Variants in FRMPD4 observed in about 807,000 individuals in gnomAD.
FRMPD4 encodes the protein FERM and PDZ domain-containing protein 4.
Under a neutral mutation model 94.1 loss-of-function variants are expected in FRMPD4, and 22 were observed. The observed-to-expected ratio is 0.23, with a 90% CI of 0.17 to 0.33. The LOEUF (loss-of-function observed/expected upper bound fraction) is 0.33. FRMPD4 is among the 10% of genes least tolerant of loss of function. The pLI, the probability that FRMPD4 is intolerant of heterozygous loss-of-function variation, is 1.00. For missense variants in FRMPD4, 1,111 were observed against 1,339.9 expected (o/e 0.83, Z 2.67); for synonymous variants, 631 against 548.6 (o/e 1.15, Z -2.10).
chrX:12,033,986 G>A (rs2054706587), intron 3 of FRMPD4, among the ~76,000 whole-genome samples: 1 of 112,625 alleles, frequency 8.9e-6, no homozygotes, highest in Non-Finnish European at 1.9e-5. Context: ...CGTAAGCCAC[G>A]GCGCCTGGCC....
chrX:11,963,993 G>C (rs995537623), intron 3 of FRMPD4, among the ~76,000 whole-genome samples: 3 of 111,455 alleles, frequency 2.7e-5, no homozygotes, highest in South Asian at 3.8e-4. Flanking sequence ...CTCTAAGTTG[G>C]TTAGATGTGC....
At chrX:12,640,026 C>T (rs754253471) in intron 4 of FRMPD4, among the ~76,000 whole-genome samples, 3 of 111,591 alleles carry the variant, frequency 2.7e-5, no homozygotes, top group Non-Finnish European at 3.8e-5. Flanking sequence ...TGGCCAGGCA[C>T]GGTGGCTCAC....
At chrX:12,543,244 C>A (rs1251813180) in intron 2 of FRMPD4, among the ~76,000 whole-genome samples, 4 of 110,604 alleles carry the variant, frequency 3.6e-5, no homozygotes, top group African/African-American at 9.8e-5. Flanking sequence ...CAAATGGGAT[C>A]TAATTAAACT....
chrX:11,972,372 C>T (rs1349781223), intron 3 of FRMPD4, among the ~76,000 whole-genome samples: 1 of 111,941 alleles, frequency 8.9e-6, no homozygotes, highest in East Asian at 2.8e-4. Flanking sequence ...CTTCCATGCA[C>T]TCACTCTAGC....
chrX:12,166,996 G>T (rs1460468992), intron 1 of FRMPD4, among the ~76,000 whole-genome samples: 3 of 110,729 alleles, frequency 2.7e-5, no homozygotes, highest in Non-Finnish European at 3.8e-5. Context: ...TCTTTTCAAT[G>T]AAACCAGCTC....
intron 16 of FRMPD4, among the ~76,000 whole-genome samples, chrX:12,719,335 A>G (rs1457186442): frequency 8.9e-6 from 1 of 112,331 alleles, no homozygotes; most frequent in Non-Finnish European, 1.9e-5. Context: ...AGTGTCAGGA[A>G]GATTTTGAGG....
chrX:12,572,401 G>T (rs1042576271), intron 2 of FRMPD4, among the ~76,000 whole-genome samples: 1 of 112,292 alleles, frequency 8.9e-6, no homozygotes, highest in Non-Finnish European at 1.9e-5. Context: ...CATAATTAAA[G>T]GGGAAATGAT....
At chrX:12,711,124 T>C (rs959866280) in intron 14 of FRMPD4, among the ~76,000 whole-genome samples, 1 of 111,295 alleles carries the variant, frequency 9.0e-6, no homozygotes, top group Non-Finnish European at 1.9e-5. Flanking sequence ...AAAGTCTCTA[T>C]GGCTGGGTTT....
At chrX:12,149,894 A>G (rs920081946) in intron 1 of FRMPD4, among the ~76,000 whole-genome samples, 3 of 111,760 alleles carry the variant, frequency 2.7e-5, no homozygotes, top group African/African-American at 9.8e-5. Flanking sequence ...TTGATGAGTC[A>G]GCATCCATCA....
At position 12,683,550 on chromosome X, in the gene FRMPD4, G is replaced by A. The variant is rs1215910141; in HGVS notation, c.536G>A (p.Arg179His). 7.6e-6 allele frequency: 9 copies of A among 1,181,155 alleles called. No individual in the cohort carries two copies. The highest frequency in any genetic ancestry group is 1.0e-5 in the Non-Finnish European group (9 of 869,700). Residue 179 changes from arginine (R) to histidine (H), a missense_variant, in exon 6 of 17, where the codon CGC (arginine) becomes CAC (histidine). Physicochemically the swap from Arg to His is conservative, Grantham distance 29. Coordinates refer to ENST00000675598, the MANE Select transcript of FRMPD4 (RefSeq NM_001368397.1). ...ARLKSNPVKV[R>H]FSEEVIINGQ... is the part of the protein sequence containing the mutation. Reference sequence around the variant, plus strand: ...TTAAAGTCCAATCCTGTCAAAGTACGCTTCTCTGAGGAGGTCATCATCAAC... The same window carrying A: ...TTAAAGTCCAATCCTGTCAAAGTACACTTCTCTGAGGAGGTCATCATCAAC...
chrX:12,139,255 ACGACAGTTTGTTTTCCC>A (rs764549134), intron 1 of FRMPD4, among the ~76,000 whole-genome samples: 1 of 110,853 alleles, frequency 9.0e-6, no homozygotes, highest in South Asian at 4.0e-4. Context: ...ACCGACATTC[ACGACAGTTTGTTTTCCC>A]TAAGGAAAAG....
At chrX:12,386,083 C>A in intron 1 of FRMPD4, among the ~76,000 whole-genome samples, 1 of 112,050 alleles carries the variant, frequency 8.9e-6, no homozygotes, top group East Asian at 2.8e-4. Context: ...AGGAGCAAAA[C>A]CTTACTTAGG....
intron 3 of FRMPD4, among the ~76,000 whole-genome samples, chrX:12,115,485 T>G (rs1044541907): frequency 6.3e-5 from 7 of 111,268 alleles, no homozygotes; most frequent in African/African-American, 2.3e-4. Flanking sequence ...GCCTTACCTA[T>G]TCTTTCTTAA....
At chrX:12,058,400 A>G (rs1295230869) in intron 3 of FRMPD4, among the ~76,000 whole-genome samples, 2 of 111,420 alleles carry the variant, frequency 1.8e-5, no homozygotes, top group African/African-American at 6.5e-5. Context: ...GGGATGTTAG[A>G]GAGACTTTGA....
At chrX:12,287,049 G>C (rs928637259) in intron 1 of FRMPD4, among the ~76,000 whole-genome samples, 2 of 111,969 alleles carry the variant, frequency 1.8e-5, no homozygotes, top group Non-Finnish European at 1.9e-5. Context: ...TGCAAGAGAA[G>C]GTCCATCTTT....
chrX:12,519,519 A>G (rs2058139190), intron 2 of FRMPD4, among the ~76,000 whole-genome samples: 1 of 112,419 alleles, frequency 8.9e-6, no homozygotes, highest in South Asian at 3.7e-4. Context: ...CAAAAGCCTA[A>G]TATAAGGCAA....
chrX:12,096,713 G>C (rs964681939), intron 3 of FRMPD4, among the ~76,000 whole-genome samples: 3 of 111,086 alleles, frequency 2.7e-5, no homozygotes, highest in Admixed American at 9.6e-5. Flanking sequence ...AGCAAGACCC[G>C]ATTTCTCAAA....
At chrX:12,315,403 G>A (rs2055099580) in intron 1 of FRMPD4, among the ~76,000 whole-genome samples, 2 of 111,825 alleles carry the variant, frequency 1.8e-5, no homozygotes, top group Admixed American at 9.5e-5. Flanking sequence ...CACTTGTACT[G>A]CAGTATGTGT....
chrX:12,564,868 G>A (rs937039414), intron 2 of FRMPD4, among the ~76,000 whole-genome samples: 1 of 109,370 alleles, frequency 9.1e-6, no homozygotes, highest in Non-Finnish European at 1.9e-5. Context: ...TGTATCAGAG[G>A]GACACAGAAG....
Sources: gnomAD v4.1 joint callset for allele counts (sites outside exome capture counted in the v4.1 genomes callset) on GRCh38, gnomAD v4.1.1 for gene constraint, MANE v1.5 for transcripts, NCBI Gene and HGNC (gene_info 2026-07-23, HGNC 2026-07-21) for gene names.